RANBP2: variants seen among roughly 807,000 people sequenced by gnomAD.
RANBP2 encodes RAN binding protein 2, also known as E3 SUMO-protein ligase RanBP2.
Under a neutral mutation model 303.6 loss-of-function variants are expected in RANBP2, and 57 were observed. That is an observed-to-expected ratio of 0.19 (90% CI 0.15 to 0.23). RANBP2 has a LOEUF of 0.23. RANBP2 is among the 10% of genes least tolerant of loss of function. The probability of loss-of-function intolerance (pLI) is 1.00; values close to 1 mark genes in which losing one functional copy is unlikely to be tolerated. For missense variants in RANBP2, 3,138 were observed against 3,780.8 expected (o/e 0.83, Z 4.46); for synonymous variants, 1,167 against 1,301.5 (o/e 0.90, Z 2.23).
At chr2:109,243,162 T>A in the RANBP2 span, among the ~76,000 whole-genome samples, 1 of 152,274 alleles carries the variant, frequency 6.6e-6, no homozygotes, top group African/African-American at 2.4e-5. Flanking sequence ...TGCAGGTGTC[T>A]TGTAAGGGCT....
chr2:109,491,103 A>T, the RANBP2 span, among the ~76,000 whole-genome samples: 4 of 152,208 alleles, frequency 2.6e-5, no homozygotes, highest in Non-Finnish European at 4.4e-5. Context: ...TGAGTGCTGG[A>T]TGAAACGAGT....
At chr2:109,091,906 G>A in the RANBP2 span, among the ~76,000 whole-genome samples, 3 of 152,120 alleles carry the variant, frequency 2.0e-5, no homozygotes, top group African/African-American at 7.2e-5. Flanking sequence ...CTCCACCACC[G>A]AGTGTCATCT....
chr2:108,830,949 C>A, the RANBP2 span, among the ~76,000 whole-genome samples: 1 of 152,106 alleles, frequency 6.6e-6, no homozygotes, highest in South Asian at 2.1e-4. Context: ...CCGAGGCAGG[C>A]AGATCACTTG....
chr2:109,301,344 GTGTGTGTGTT>G, the RANBP2 span, among the ~76,000 whole-genome samples: 2 of 132,928 alleles, frequency 1.5e-5, no homozygotes, highest in African/African-American at 5.2e-5. Flanking sequence ...ACGTGTGTGT[GTGTGTGTGTT>G]TGTGTATGTT....
chr2:108,991,336 C>T, the RANBP2 span, among the ~76,000 whole-genome samples: 1 of 152,172 alleles, frequency 6.6e-6, no homozygotes, highest in Non-Finnish European at 1.5e-5. Context: ...ATGTGATTTT[C>T]TGTTTTATAC....
the RANBP2 span, among the ~76,000 whole-genome samples, chr2:109,124,878 AGCT>A: frequency 6.6e-6 from 1 of 152,216 alleles, no homozygotes; most frequent in Non-Finnish European, 1.5e-5. Context: ...CTGCAACTAT[AGCT>A]GCTGTTCAGT....
At chr2:109,402,976 G>A in the RANBP2 span, among the ~76,000 whole-genome samples, 1 of 152,188 alleles carries the variant, frequency 6.6e-6, no homozygotes, top group Admixed American at 6.5e-5. Context: ...CCAACGCATC[G>A]ACTGCAGTTG....
chr2:109,405,985 C>G, the RANBP2 span, among the ~76,000 whole-genome samples: 22 of 152,330 alleles, frequency 1.4e-4, no homozygotes, highest in African/African-American at 5.3e-4. Context: ...GTGGCCTTCC[C>G]CAACTCCCGC....
the RANBP2 span, among the ~76,000 whole-genome samples, chr2:109,260,359 A>G: frequency 2.5e-4 from 38 of 152,220 alleles, no homozygotes; most frequent in Non-Finnish European, 4.9e-4. Context: ...ACCCGAGGTC[A>G]GGGAGCTGCA....
chr2:109,567,461 T>C, the RANBP2 span, among the ~76,000 whole-genome samples: 9 of 152,284 alleles, frequency 5.9e-5, no homozygotes, highest in Middle Eastern at 3.4e-3. Flanking sequence ...TTTTACAGCA[T>C]GCAAAGGGAG....
chr2:109,544,191 C>T, the RANBP2 span: 3 of 1,600,530 alleles, frequency 1.9e-6, no homozygotes, highest in African/African-American at 4.0e-5. Context: ...GTAACTGTGG[C>T]TGTTCACCAA....
chr2:109,052,440 T>C, the RANBP2 span, among the ~76,000 whole-genome samples: 1 of 152,242 alleles, frequency 6.6e-6, no homozygotes, highest in South Asian at 2.1e-4. Flanking sequence ...TTTATACTTT[T>C]GGGAAATCAC....
the RANBP2 span, chr2:108,875,905 G>A: frequency 3.2e-5 from 5 of 157,876 alleles, no homozygotes; most frequent in Admixed American, 3.3e-4. Flanking sequence ...TCTGCTTCAG[G>A]TTTATCTCAT....
At chr2:108,761,427 T>C (rs959167531) in intron 18 of RANBP2, among the ~76,000 whole-genome samples, 6 of 152,202 alleles carry the variant, frequency 3.9e-5, no homozygotes, top group South Asian at 4.1e-4. Flanking sequence ...GGTAAAACTA[T>C]CATAAAACAG....
At chr2:109,341,651 C>CTTG in the RANBP2 span, among the ~76,000 whole-genome samples, 1 of 152,264 alleles carries the variant, frequency 6.6e-6, no homozygotes, top group African/African-American at 2.4e-5. Context: ...CAAGGTCACC[C>CTTG]CAAGACCCAG....
chr2:109,356,786 T>C, the RANBP2 span, among the ~76,000 whole-genome samples: 1 of 152,116 alleles, frequency 6.6e-6, no homozygotes, highest in Non-Finnish European at 1.5e-5. Context: ...TTGGTGCAAA[T>C]CCCACCCTCC....
chr2:109,156,985 T>C, the RANBP2 span, among the ~76,000 whole-genome samples: 1 of 152,242 alleles, frequency 6.6e-6, no homozygotes, highest in Non-Finnish European at 1.5e-5. Context: ...TATTTCCCTC[T>C]GAAATCACAC....
chr2:109,629,760 G>A, the RANBP2 span, among the ~76,000 whole-genome samples: 854 of 151,974 alleles, frequency 5.6e-3, 12 homozygotes, highest in South Asian at 0.056. Flanking sequence ...GCAGTCAGCC[G>A]TGATCACACC....
chr2:109,204,869 C>CT, the RANBP2 span, among the ~76,000 whole-genome samples: 1 of 152,124 alleles, frequency 6.6e-6, no homozygotes, highest in East Asian at 1.9e-4. Context: ...AAACTAAAGG[C>CT]TTTTTTGTGT....
Sources: gnomAD v4.1 joint callset for allele counts (sites outside exome capture counted in the v4.1 genomes callset) on GRCh38, gnomAD v4.1.1 for gene constraint, MANE v1.5 for transcripts, NCBI Gene and HGNC (gene_info 2026-07-23, HGNC 2026-07-21) for gene names.